EML1: variants seen among roughly 807,000 people sequenced by gnomAD.
The protein encoded by EML1 is echinoderm microtubule-associated protein-like 1.
EML1 carries 27 observed loss-of-function variants against 110.4 expected under a neutral mutation model. The ratio of observed to expected loss-of-function variants is 0.24; its 90% CI spans 0.18 to 0.34. The LOEUF (loss-of-function observed/expected upper bound fraction) is 0.34, where lower values mean the gene tolerates loss of function less well. Among genes scored for constraint, EML1 ranks in the 10% least tolerant of loss-of-function variants. The probability of loss-of-function intolerance (pLI) is 1.00; values close to 1 mark genes in which losing one functional copy is unlikely to be tolerated. For missense variants in EML1, 741 were observed against 1,030.9 expected (o/e 0.72, Z 3.85); for synonymous variants, 344 against 385.8 (o/e 0.89, Z 1.27).
chr14:99,911,692 T>C, intron 13 of EML1, 116 bp downstream of exon 13: 1 of 1,111,722 alleles, frequency 9.0e-7, no homozygotes, highest in South Asian at 1.6e-5. Flanking sequence ...GAAATCACAT[T>C]ATATGGGAGC....
rs1028195945 is a variant in EML1 at position 99,752,072 on chromosome 14, G to A, written c.28+14212G>A. ...CATCCATCACAGCGCCCCAGATGCCGTTACTCCAGAGACACCGTTAATCGC... is the reference window on the plus strand; with the variant it reads ...CATCCATCACAGCGCCCCAGATGCCATTACTCCAGAGACACCGTTAATCGC... On this transcript the variant is annotated intron_variant, in intron 1 of 10. Coordinates refer to the EML1 transcript ENST00000554479. 3.9e-5 allele frequency among the ~76,000 whole-genome samples: 6 copies of A among 152,116 alleles called. No homozygotes were observed. The East Asian group carries it at 5.8e-4, about 15-fold the overall frequency.
chr14:99,797,346 TG>T (rs961074139), intron 1 of EML1, among the ~76,000 whole-genome samples: 1 of 152,214 alleles, frequency 6.6e-6, no homozygotes, highest in African/African-American at 2.4e-5. Flanking sequence ...ATCTGTTACT[TG>T]TTGATGGGTT....
At chr14:99,871,227 G>A (rs970923030) in intron 3 of EML1, among the ~76,000 whole-genome samples, 2 of 152,180 alleles carry the variant, frequency 1.3e-5, no homozygotes, top group African/African-American at 4.8e-5. Flanking sequence ...AAAGTGCTGG[G>A]ATTACAGGCG....
In EML1 at chr14:99,911,416, G is replaced by GTTTA. The variant is rs1266481675; in HGVS notation, c.1340-5_1340-2dup. 1.9e-6 allele frequency: 3 copies of GTTTA among 1,585,948 alleles called. No individual in the cohort carries two copies. The highest frequency in any genetic ancestry group is 2.6e-6 in the Non-Finnish European group (3 of 1,173,002). On this transcript the variant is annotated splice_polypyrimidine_tract_variant and splice_region_variant and intron_variant, in intron 12 of 21. Transcript: ENST00000262233. ...GTGCTAATGATGGTTTTCTTGGTGTGTTTAGGTACAAATCGAATAAGCTAT... is the reference window on the plus strand; with the variant it reads ...GTGCTAATGATGGTTTTCTTGGTGTGTTTATTTAGGTACAAATCGAATAAGCTAT...
intron 2 of EML1, among the ~76,000 whole-genome samples, chr14:99,864,365 T>A (rs2059056137): frequency 6.6e-6 from 1 of 152,246 alleles, no homozygotes; most frequent in Admixed American, 6.5e-5. Context: ...AATTTTTTTC[T>A]TTCATGGATT....
At chr14:99,806,316 CTTTTTTTT>C (rs1198890041) in intron 1 of EML1, among the ~76,000 whole-genome samples, 2 of 87,754 alleles carry the variant, frequency 2.3e-5, no homozygotes, top group African/African-American at 9.7e-5. Context: ...TCTCCAGAAT[CTTTTTTTT>C]TTTTTTTTTT....
At chr14:99,886,833 G>A (rs187320014) in intron 4 of EML1, among the ~76,000 whole-genome samples, 16 of 152,340 alleles carry the variant, frequency 1.1e-4, no homozygotes, top group Non-Finnish European at 2.2e-4. Flanking sequence ...GCCTGGACAC[G>A]TCGTCCACTG....
intron 1 of EML1, among the ~76,000 whole-genome samples, chr14:99,775,201 T>C (rs1313826388): frequency 6.6e-6 from 1 of 152,176 alleles, no homozygotes; most frequent in Non-Finnish European, 1.5e-5. Context: ...TCAAGTCAAA[T>C]CTGTTTCCTA....
rs368044152 is a variant in EML1, at chr14:99,796,936, T to TGTGTGTGTGTGAGAGAGA, written c.67+3394_67+3395insTGTGTGTGTGAGAGAGAG. Among the ~76,000 whole-genome samples, 3 of 150,030 alleles carry TGTGTGTGTGTGAGAGAGA rather than the reference T, an allele frequency of 2.0e-5. No homozygotes were observed. The East Asian group carries it at 5.9e-4, about 30-fold the overall frequency. ...GTGTGTGTGTGTGTGTGTGTGTGTG[T>TGTGTGTGTGTGAGAGAGA]GAGAGAGTAATAGCTTTATTGAAAT... On this transcript the variant is annotated intron_variant, in intron 1 of 21. Coordinates refer to ENST00000262233, the MANE Select transcript of EML1 (RefSeq NM_004434.3).
intron 1 of EML1, among the ~76,000 whole-genome samples, chr14:99,826,135 T>A (rs1191764663): frequency 7.4e-6 from 1 of 134,336 alleles, no homozygotes; most frequent in African/African-American, 2.9e-5. Flanking sequence ...TTTTTTGAGA[T>A]GGAGTCTTGC....
At chr14:99,748,181 G>A (rs892569633) in intron 1 of EML1, among the ~76,000 whole-genome samples, 5 of 152,122 alleles carry the variant, frequency 3.3e-5, no homozygotes, top group Non-Finnish European at 7.4e-5. Context: ...CACAGGGATG[G>A]CATCGCTGCT....
chr14:99,923,532 AC>A (rs1199752187), intron 17 of EML1, among the ~76,000 whole-genome samples: 6 of 152,368 alleles, frequency 3.9e-5, no homozygotes, highest in African/African-American at 1.4e-4. Flanking sequence ...TGTCCCAAGC[AC>A]TTTTTGTTGA....
chr14:99,889,951 C>T, intron 4 of EML1, among the ~76,000 whole-genome samples: 1 of 152,146 alleles, frequency 6.6e-6, no homozygotes, highest in East Asian at 1.9e-4. Context: ...AAGTAGTAGG[C>T]TCTACCACCC....
In EML1 at chr14:99,876,772, C is replaced by T. The variant is rs186708196; in HGVS notation, c.384-1713C>T. Among the ~76,000 whole-genome samples the T allele has an allele frequency of 5.3e-5, 8 of 152,292 alleles. No homozygotes were observed. In the East Asian group the frequency reaches 1.5e-3, roughly 29 times the overall value. On this transcript the variant is annotated intron_variant, in intron 3 of 21. Coordinates refer to ENST00000262233, the MANE Select transcript of EML1 (RefSeq NM_004434.3). Reference sequence around the variant, plus strand: ...ACAGCCCCCTGCCTGCCCCTCCCCTCCTCCTTTTTTGCTTACAGAGCAGGT... The same window carrying T: ...ACAGCCCCCTGCCTGCCCCTCCCCTTCTCCTTTTTTGCTTACAGAGCAGGT...
At chr14:99,873,364 A>G (rs191137892) in intron 3 of EML1, among the ~76,000 whole-genome samples, 63 of 152,358 alleles carry the variant, frequency 4.1e-4, no homozygotes, top group African/African-American at 1.4e-3. Flanking sequence ...GAAGTACAGC[A>G]TTTGTAATTG....
At chr14:99,926,559 A>G (rs2060238152) in intron 17 of EML1, among the ~76,000 whole-genome samples, 1 of 151,944 alleles carries the variant, frequency 6.6e-6, no homozygotes, top group East Asian at 1.9e-4. Flanking sequence ...TGCTGCGATT[A>G]TAGGCATAAG....
At chr14:99,895,000 G>C (rs1003283607) in intron 6 of EML1, among the ~76,000 whole-genome samples, 1 of 152,184 alleles carries the variant, frequency 6.6e-6, no homozygotes, top group African/African-American at 2.4e-5. Context: ...TATCATTCCT[G>C]AACGAAATAG....
At chr14:99,846,614 C>T (rs1281578847) in intron 1 of EML1, among the ~76,000 whole-genome samples, 1 of 152,000 alleles carries the variant, frequency 6.6e-6, no homozygotes, top group Non-Finnish European at 1.5e-5. Flanking sequence ...CAAGGCCAAC[C>T]CCTGCTTGAT....
intron 4 of EML1, among the ~76,000 whole-genome samples, chr14:99,883,750 G>A (rs1327798759): frequency 6.6e-6 from 1 of 152,088 alleles, no homozygotes; most frequent in Non-Finnish European, 1.5e-5. Context: ...GCATGTCTTT[G>A]TGTGAATAAA....
Sources: allele counts gnomAD v4.1 joint callset (sites outside exome capture counted in the v4.1 genomes callset), GRCh38; gene constraint gnomAD v4.1.1; transcripts MANE v1.5; gene names NCBI Gene and HGNC (gene_info 2026-07-23, HGNC 2026-07-21).